CDIN1: variants seen among roughly 807,000 people sequenced by gnomAD.
The protein encoded by CDIN1 is CDAN1-interacting nuclease 1.
A neutral mutation model predicts 45.3 loss-of-function variants in CDIN1; 33 were observed. The ratio of observed to expected loss-of-function variants is 0.73; its 90% CI spans 0.55 to 0.97. CDIN1 has a LOEUF of 0.97. Ranked by LOEUF, CDIN1 falls within the 50% of genes least tolerant of loss-of-function variation. CDIN1 has a pLI of 0.00. For missense variants in CDIN1, 303 were observed against 339.4 expected (o/e 0.89, Z 0.84); for synonymous variants, 118 against 124.4 (o/e 0.95, Z 0.34).
intron 5 of CDIN1, among the ~76,000 whole-genome samples, chr15:36,675,099 T>C (rs2041599774): frequency 6.6e-6 from 1 of 152,136 alleles, no homozygotes; most frequent in African/African-American, 2.4e-5. Flanking sequence ...CTGTATGTGA[T>C]AATCTAAACA....
chr15:36,644,411 T>C, intron 2 of CDIN1, 88 bp downstream of exon 2: 1 of 1,396,268 alleles, frequency 7.2e-7, no homozygotes, highest in South Asian at 1.2e-5. Flanking sequence ...AACTGCCAGC[T>C]CTCTGATTGG....
At chr15:36,739,850 T>C (rs1465018212) in intron 10 of CDIN1, among the ~76,000 whole-genome samples, 1 of 152,218 alleles carries the variant, frequency 6.6e-6, no homozygotes, top group Non-Finnish European at 1.5e-5. Flanking sequence ...TCTCTGCACA[T>C]ATCACATCCA....
intron 10 of CDIN1, among the ~76,000 whole-genome samples, chr15:36,774,131 G>GGGGT (rs1352588556): frequency 9.3e-6 from 1 of 107,932 alleles, no homozygotes. Flanking sequence ...GTAACTGACA[G>GGGGT]GGGTGTGTGT....
At chr15:36,757,040 A>C (rs1215049935) in intron 10 of CDIN1, among the ~76,000 whole-genome samples, 1 of 152,206 alleles carries the variant, frequency 6.6e-6, no homozygotes, top group Non-Finnish European at 1.5e-5. Context: ...TAGAACAATC[A>C]GAGAACAGCT....
intron 10 of CDIN1, among the ~76,000 whole-genome samples, chr15:36,790,561 G>C (rs1388508580): frequency 1.3e-5 from 2 of 152,150 alleles, no homozygotes; most frequent in African/African-American, 4.8e-5. Flanking sequence ...AGAAATACTT[G>C]AGATGATAGA....
intron 10 of CDIN1, among the ~76,000 whole-genome samples, chr15:36,781,803 ACTT>A (rs1352938929): frequency 6.6e-6 from 1 of 152,132 alleles, no homozygotes; most frequent in Non-Finnish European, 1.5e-5. Flanking sequence ...TTACTCCCTC[ACTT>A]CTTCATTCAT....
intron 1 of CDIN1, 25 bp downstream of exon 1, chr15:36,579,986 A>C: frequency 8.1e-5 from 129 of 1,597,176 alleles, no homozygotes; most frequent in Non-Finnish European, 1.0e-4. Flanking sequence ...CTCCCCTCTC[A>C]CAGCCCTTTG....
chr15:36,792,329 C>T (rs527306701), intron 10 of CDIN1, among the ~76,000 whole-genome samples: 1 of 152,240 alleles, frequency 6.6e-6, no homozygotes, highest in Non-Finnish European at 1.5e-5. Flanking sequence ...AGGGAACTCA[C>T]TCCTGGAAGT....
At chr15:36,594,982 T>A in intron 1 of CDIN1, 3 of 884,014 alleles carry the variant, frequency 3.4e-6, no homozygotes, top group Non-Finnish European at 4.1e-6. Context: ...GTGCTTTTAT[T>A]TATTTTCTGT....
At position 36,686,929 on chromosome 15, in the gene CDIN1, AAGGAAGGAAGGAAGGAAAAGAT is replaced by A. The variant is rs1345406468; in HGVS notation, c.347-4742_347-4721del. Among the ~76,000 whole-genome samples, 1,135 of 145,742 alleles carry A rather than the reference AAGGAAGGAAGGAAGGAAAAGAT, an allele frequency of 7.8e-3. 8 individuals carry two copies. Among genetic ancestry groups the A allele is most frequent in the African/African-American group, 0.027 (1,055 of 39,012 alleles). ...AGGGAGAGAGGGAAGGAAGGAAGAA[AAGGAAGGAAGGAAGGAAAAGAT>A]AGGAAGGAAGGAAAGGGAGGAAAGG... On this transcript the variant is annotated intron_variant, in intron 5 of 10. Transcript: ENST00000566621.
chr15:36,742,544 T>C (rs1452223042), intron 10 of CDIN1, among the ~76,000 whole-genome samples: 1 of 152,218 alleles, frequency 6.6e-6, no homozygotes, highest in Non-Finnish European at 1.5e-5. Flanking sequence ...TCAGGTCACC[T>C]TTATTTTGTG....
At chr15:36,657,719 G>C in intron 4 of CDIN1, 114 bp from the exon 5 acceptor site, 1 of 736,908 alleles carries the variant, frequency 1.4e-6, no homozygotes, top group Non-Finnish European at 2.2e-6. Context: ...TTTAATGAAT[G>C]ATGCTTGCTA....
chr15:36,701,129 GATAGATAGATAGA>G (rs2042624850), intron 8 of CDIN1, among the ~76,000 whole-genome samples: 1 of 96,310 alleles, frequency 1.0e-5, no homozygotes, highest in South Asian at 3.3e-4. Context: ...TAGGTAGATA[GATAGATAGATAGA>G]TAGATAGATA....
chr15:36,765,812 G>A (rs2053908114), intron 10 of CDIN1, among the ~76,000 whole-genome samples: 1 of 152,044 alleles, frequency 6.6e-6, no homozygotes, highest in African/African-American at 2.4e-5. Flanking sequence ...TGAAACCATT[G>A]CTATAATCAT....
chr15:36,609,305 C>T (rs755813989), intron 1 of CDIN1, among the ~76,000 whole-genome samples: 8 of 152,260 alleles, frequency 5.3e-5, no homozygotes, highest in East Asian at 3.9e-4. Context: ...CGTGAGCCAC[C>T]GCACCTGGCC....
At chr15:36,787,393 T>G (rs1026364435) in intron 10 of CDIN1, among the ~76,000 whole-genome samples, 2 of 152,246 alleles carry the variant, frequency 1.3e-5, no homozygotes, top group African/African-American at 4.8e-5. Flanking sequence ...GTAGCTGTGC[T>G]CTCATACTCT....
At chr15:36,703,502 C>G (rs2042752033) in intron 8 of CDIN1, among the ~76,000 whole-genome samples, 1 of 108,294 alleles carries the variant, frequency 9.2e-6, no homozygotes, top group Non-Finnish European at 2.0e-5. Flanking sequence ...ACATTACTGC[C>G]CACTCATGAG....
At chr15:36,780,590 C>T (rs905674634) in intron 10 of CDIN1, among the ~76,000 whole-genome samples, 12 of 152,038 alleles carry the variant, frequency 7.9e-5, no homozygotes, top group African/African-American at 2.7e-4. Flanking sequence ...GTGGAAAAAC[C>T]TTGAAGAGTT....
In CDIN1 at chr15:36,752,704, G is replaced by A. The variant is rs143079640; in HGVS notation, c.716+42743G>A. Among the ~76,000 whole-genome samples, 116 of 152,262 alleles carry A rather than the reference G, an allele frequency of 7.6e-4. No individual in the cohort carries two copies. In the East Asian group the frequency reaches 0.018, roughly 24 times the overall value. ...GCTACAGGTCTTAATAGTAAGACTC[G>A]AAACATATAATGTATTAGCCTTGGC... On this transcript the variant is annotated intron_variant, in intron 10 of 10. Transcript: ENST00000566621.
Sources: allele counts gnomAD v4.1 joint callset (sites outside exome capture counted in the v4.1 genomes callset), GRCh38; gene constraint gnomAD v4.1.1; transcripts MANE v1.5; gene names NCBI Gene and HGNC (gene_info 2026-07-23, HGNC 2026-07-21).